The following RNLS variants were observed in gnomAD, a reference collection of about 807,000 sequenced individuals.
RNLS encodes the protein renalase, FAD dependent amine oxidase.
A neutral mutation model predicts 39.8 loss-of-function variants in RNLS; 39 were observed. The observed-to-expected ratio is 0.98, with a 90% CI of 0.76 to 1.28. The LOEUF (loss-of-function observed/expected upper bound fraction) is 1.28, where lower values mean the gene tolerates loss of function less well. RNLS is among the 50% of genes most tolerant of loss of function. The pLI is 0.00. For synonymous variants in RNLS, 147 were observed against 150.7 expected, an observed-to-expected ratio of 0.98 and a Z score of 0.18; for missense variants, 410 against 413.3, an observed-to-expected ratio of 0.99 and a Z score of 0.07.
chr10:88,459,930 C>A (rs1842851400), intron 4 of RNLS, among the ~76,000 whole-genome samples: 1 of 152,182 alleles, frequency 6.6e-6, no homozygotes, highest in South Asian at 2.1e-4. Flanking sequence ...TGAATAATTA[C>A]CTCATATCCC....
At chr10:88,274,810 A>C in exon 7 of RNLS, 1 of 541,872 alleles carries the variant, frequency 1.8e-6, no homozygotes, top group Non-Finnish European at 3.4e-6. Flanking sequence ...TCCCACCGGC[A>C]CTGCACAAGG....
At chr10:88,567,570 T>C (rs1849581025) in intron 4 of RNLS, among the ~76,000 whole-genome samples, 1 of 152,210 alleles carries the variant, frequency 6.6e-6, no homozygotes, top group Non-Finnish European at 1.5e-5. Context: ...CCAACCTCCA[T>C]GGCAATAAAT....
At chr10:88,413,714 G>T (rs1853843185) in intron 4 of RNLS, among the ~76,000 whole-genome samples, 1 of 152,136 alleles carries the variant, frequency 6.6e-6, no homozygotes, top group South Asian at 2.1e-4. Flanking sequence ...ATCTTCAGTG[G>T]TTCTTTGGTT....
rs71310990 is a variant in RNLS at position 88,371,181 on chromosome 10, TA to T, written c.527-8457del. Among the ~76,000 whole-genome samples, 10 of 152,062 alleles carry T rather than the reference TA, an allele frequency of 6.6e-5. No individual in the cohort carries two copies. In the South Asian group the frequency reaches 1.7e-3, roughly 25 times the overall value. On this transcript the variant is annotated intron_variant, in intron 4 of 6. Transcript: ENST00000331772. ...TAATACTGCCTGCCTTAAAGATTGT[TA>T]AAAAAAATTAAACAAGATAATAGTA...
chr10:88,582,630 C>T lies in RNLS; in HGVS notation c.119-323G>A, dbSNP rs1170422988. ...CAATCTTCATGAGAATGACAGGATTCTGCAAACTAGATCTTCAGAAAATCT... is the reference window on the plus strand; with the variant it reads ...CAATCTTCATGAGAATGACAGGATTTTGCAAACTAGATCTTCAGAAAATCT... On this transcript the variant is annotated intron_variant, in intron 1 of 6. Coordinates refer to ENST00000331772, the MANE Select transcript of RNLS (RefSeq NM_001031709.3). Among the ~76,000 whole-genome samples, 4 of 152,358 alleles carry T rather than the reference C, an allele frequency of 2.6e-5. No homozygotes were observed. The East Asian group carries it at 7.7e-4, about 29-fold the overall frequency.
rs1056289352 is a variant in RNLS, at chr10:88,583,255, G to T, written c.-65C>A. 7 of 1,593,972 alleles carry T rather than the reference G, an allele frequency of 4.4e-6. No individual in the cohort carries two copies. The highest frequency in any genetic ancestry group is 4.0e-5 in the African/African-American group (3 of 74,216). On this transcript the variant is annotated 5_prime_UTR_variant, in exon 1 of 7. Coordinates refer to ENST00000331772, the MANE Select transcript of RNLS (RefSeq NM_001031709.3). ...GGGGCCGTTCGGCCCGGGCTTTCTG[G>T]AAAGGCGGCCGAACCGGCGCTAGCG...
At chr10:88,295,051 T>A (rs1589480360) in intron 6 of RNLS, among the ~76,000 whole-genome samples, 1 of 152,168 alleles carries the variant, frequency 6.6e-6, no homozygotes, top group Non-Finnish European at 1.5e-5. Context: ...TGATTTAATT[T>A]AAAAAATTCT....
the RNLS span, among the ~76,000 whole-genome samples, chr10:88,177,500 T>C: frequency 6.6e-6 from 1 of 152,246 alleles, no homozygotes; most frequent in African/African-American, 2.4e-5. Flanking sequence ...CTGATTGGGT[T>C]GAACTGTCTA....
the RNLS span, among the ~76,000 whole-genome samples, chr10:88,179,573 T>C: frequency 1.3e-5 from 2 of 152,230 alleles, no homozygotes; most frequent in African/African-American, 4.8e-5. Flanking sequence ...GAATAGTCTT[T>C]GAATTTAGGT....
chr10:88,290,566 A>T (rs1273046406), intron 6 of RNLS, among the ~76,000 whole-genome samples: 2 of 152,238 alleles, frequency 1.3e-5, no homozygotes, highest in Non-Finnish European at 2.9e-5. Flanking sequence ...AAATGGTGTC[A>T]ACATGACACA....
At chr10:88,186,760 A>C in the RNLS span, among the ~76,000 whole-genome samples, 3 of 152,134 alleles carry the variant, frequency 2.0e-5, no homozygotes, top group Non-Finnish European at 2.9e-5. Flanking sequence ...TTTTGAGCAA[A>C]ATTTAAACAA....
At chr10:88,375,302 A>G (rs949669079) in intron 4 of RNLS, among the ~76,000 whole-genome samples, 4 of 152,242 alleles carry the variant, frequency 2.6e-5, no homozygotes, top group Non-Finnish European at 5.9e-5. Context: ...ATTCTTTTAA[A>G]ATGAAATTAG....
chr10:88,343,829 A>C (rs1848126653), intron 5 of RNLS: 1 of 985,330 alleles, frequency 1.0e-6, no homozygotes, highest in African/African-American at 1.7e-5. Context: ...GAAAAACGAA[A>C]GGGTTTCAAT....
At chr10:88,203,361 TGTGTGTGTATATATATATATATATAC>T in the RNLS span, among the ~76,000 whole-genome samples, 3 of 14,390 alleles carry the variant, frequency 2.1e-4, no homozygotes, top group African/African-American at 1.6e-3. Flanking sequence ...TATATACGTA[TGTGTGTGTATATATATATATATATAC>T]ACGTATGTGT....
At chr10:88,322,292 T>G (rs1301849680) in intron 5 of RNLS, among the ~76,000 whole-genome samples, 1 of 152,108 alleles carries the variant, frequency 6.6e-6, no homozygotes, top group African/African-American at 2.4e-5. Flanking sequence ...CTAAAAATAA[T>G]AAGAGCCATA....
chr10:88,190,394 C>A, the RNLS span, among the ~76,000 whole-genome samples: 1 of 152,102 alleles, frequency 6.6e-6, no homozygotes, highest in Non-Finnish European at 1.5e-5. Flanking sequence ...AGGACACAGA[C>A]AAACATAGGA....
chr10:88,326,488 A>G (rs1449876604), intron 5 of RNLS, among the ~76,000 whole-genome samples: 1 of 152,248 alleles, frequency 6.6e-6, no homozygotes, highest in African/African-American at 2.4e-5. Context: ...GACTTAAGGC[A>G]TCTGGTGGAA....
At chr10:88,496,026 C>A (rs959272356) in intron 4 of RNLS, among the ~76,000 whole-genome samples, 6 of 152,068 alleles carry the variant, frequency 3.9e-5, no homozygotes, top group African/African-American at 1.2e-4. Context: ...ACATTTTTAA[C>A]TTGTCTGTTT....
chr10:88,526,491 G>A (rs1396273645), intron 4 of RNLS, among the ~76,000 whole-genome samples: 4 of 152,002 alleles, frequency 2.6e-5, no homozygotes, highest in East Asian at 1.9e-4. Flanking sequence ...GGACAGGCAC[G>A]CTAGCTCAGG....
Sources: gnomAD v4.1 joint callset for allele counts (sites outside exome capture counted in the v4.1 genomes callset) on GRCh38, gnomAD v4.1.1 for gene constraint, MANE v1.5 for transcripts, NCBI Gene and HGNC (gene_info 2026-07-23, HGNC 2026-07-21) for gene names.